The following OTUD7A variants were observed in gnomAD, a reference collection of about 807,000 sequenced individuals.
OTUD7A encodes the protein OTU deubiquitinase 7A.
Under a neutral mutation model 65.7 loss-of-function variants are expected in OTUD7A, and 12 were observed. The ratio of observed to expected loss-of-function variants is 0.18; its 90% confidence interval spans 0.12 to 0.30. The LOEUF (loss-of-function observed/expected upper bound fraction) is 0.30, where lower values mean the gene tolerates loss of function less well. OTUD7A is among the 10% of genes least tolerant of loss of function. The pLI, the probability that OTUD7A is intolerant of heterozygous loss-of-function variation, is 1.00. For synonymous variants in OTUD7A, 641 were observed against 586.3 expected, an observed-to-expected ratio of 1.09 and a Z score of -1.35; for missense variants, 1,148 against 1,304.8, an observed-to-expected ratio of 0.88 and a Z score of 1.85.
At chr15:31,822,850 T>G (rs1484545848) in intron 1 of OTUD7A, among the ~76,000 whole-genome samples, 1 of 152,188 alleles carries the variant, frequency 6.6e-6, no homozygotes, top group Non-Finnish European at 1.5e-5. Flanking sequence ...AGGGGAAGGC[T>G]GCGTACCCTA....
intron 1 of OTUD7A, among the ~76,000 whole-genome samples, chr15:31,793,090 T>C (rs533486500): frequency 1.3e-5 from 2 of 152,236 alleles, no homozygotes; most frequent in South Asian, 4.1e-4. Context: ...CACACAGCAC[T>C]CAGGAGACTG....
At position 31,503,612 on chromosome 15, in the gene OTUD7A, G is replaced by A. The variant is rs922638295; in HGVS notation, c.1021+79C>T. 10 of 1,580,146 alleles carry A rather than the reference G, an allele frequency of 6.3e-6. No individual in the cohort carries two copies. The Admixed American group carries it at 1.7e-4, about 26-fold the overall frequency. ...TTGTGGCCTCTGGGAGCTCGACCTT[G>A]TGCTGTGCTATCTGCTTTCTAGCTG... is the stretch of plus-strand genomic sequence containing the variant. On this transcript the variant is annotated intron_variant, in intron 9 of 12. Coordinates refer to ENST00000307050, the MANE Select transcript of OTUD7A (RefSeq NM_001382637.1).
chr15:31,552,469 C>G (rs1443044643), intron 5 of OTUD7A, among the ~76,000 whole-genome samples: 2 of 152,248 alleles, frequency 1.3e-5, no homozygotes, highest in Admixed American at 1.3e-4. Flanking sequence ...AAATACCACT[C>G]TATGAAAATA....
In OTUD7A at chr15:31,559,122, C is replaced by T. The variant is rs968208748; in HGVS notation, c.397G>A (p.Val133Met). The T allele has an allele frequency of 5.6e-6, 9 of 1,614,050 alleles. No individual in the cohort carries two copies. The highest frequency in any genetic ancestry group is 2.2e-5 in the East Asian group (1 of 44,900). ...SAIVSLARSH[V>M]ASECNNEQFP... ...TGCTCGTTGTTGCATTCACTTGCCA[C>T]GTGGGACCGGGCCAGGGAGACGATG... The change falls in exon 5 of 13, where the codon GTG becomes ATG. Residue 133 changes from valine to methionine, a missense_variant. This residue lies in a region of OTUD7A where 134 missense variants were observed against 252.6 expected (regional missense o/e 0.53). Coordinates refer to ENST00000307050, the MANE Select transcript of OTUD7A (RefSeq NM_001382637.1).
chr15:31,796,755 G>C (rs142157367), intron 1 of OTUD7A, among the ~76,000 whole-genome samples: 3,952 of 152,270 alleles, frequency 0.026, 192 homozygotes, highest in African/African-American at 0.09. Context: ...TTTTCTTTGA[G>C]ACAGAGTCTT....
At position 31,478,357 on chromosome 15, in the gene OTUD7A, T is replaced by TAG. The variant is rs1037563733; in HGVS notation, c.*4936_*4937insCT. The stretch of plus-strand genomic sequence containing the variant: ...TAAACTAACAAATTATGTATATATA[T>TAG]ATCCTTGATATGCTCTTTGGGAGGA... On this transcript the variant is annotated 3_prime_UTR_variant, in exon 13 of 13. Transcript: ENST00000307050. 6.6e-6 allele frequency: 1 copy of TAG among 152,178 alleles called. No individual in the cohort carries two copies. The highest frequency in any genetic ancestry group is 2.4e-5 in the African/African-American group (1 of 41,444). The allele number at this position is 152,178 out of a possible 1,614,324, so 9.4% of individuals were successfully genotyped here.
chr15:31,842,390 C>T (rs1199866750), intron 1 of OTUD7A, among the ~76,000 whole-genome samples: 1 of 152,200 alleles, frequency 6.6e-6, no homozygotes, highest in East Asian at 1.9e-4. Flanking sequence ...CAGCCAAGGA[C>T]TAAGGGAAAG....
chr15:31,515,024 C>G (rs2041821317), intron 8 of OTUD7A, among the ~76,000 whole-genome samples: 1 of 152,130 alleles, frequency 6.6e-6, no homozygotes, highest in Non-Finnish European at 1.5e-5. Context: ...GCTTGTTTGT[C>G]CCTGTCACCT....
At chr15:31,646,238 C>T (rs1891659364) in intron 3 of OTUD7A, among the ~76,000 whole-genome samples, 1 of 151,966 alleles carries the variant, frequency 6.6e-6, no homozygotes, top group South Asian at 2.1e-4. Context: ...ATTCCTGGAC[C>T]TCAGGGAGCC....
chr15:31,578,750 C>T (rs1312029867), intron 3 of OTUD7A, among the ~76,000 whole-genome samples: 6 of 152,174 alleles, frequency 3.9e-5, no homozygotes, highest in Admixed American at 1.3e-4. Context: ...TGGGGTTTCC[C>T]CATGTTGGTC....
chr15:31,742,380 C>T (rs946249826), intron 1 of OTUD7A, among the ~76,000 whole-genome samples: 1 of 151,986 alleles, frequency 6.6e-6, no homozygotes, highest in African/African-American at 2.4e-5. Flanking sequence ...TTTGCCACAT[C>T]AACAGATTAA....
intron 8 of OTUD7A, among the ~76,000 whole-genome samples, chr15:31,509,301 C>G (rs568113620): frequency 1.3e-5 from 2 of 150,642 alleles, no homozygotes; most frequent in Admixed American, 1.3e-4. Context: ...TTTTTGGAGA[C>G]GGAGTCTTGC....
At chr15:31,628,718 C>T (rs372367808) in intron 3 of OTUD7A, among the ~76,000 whole-genome samples, 7 of 152,024 alleles carry the variant, frequency 4.6e-5, no homozygotes, top group East Asian at 1.9e-4. Flanking sequence ...ATTCTTCCTA[C>T]CCATGAGCAT....
At chr15:31,734,009 A>G (rs1034687456) in intron 1 of OTUD7A, among the ~76,000 whole-genome samples, 7 of 152,188 alleles carry the variant, frequency 4.6e-5, no homozygotes, top group African/African-American at 1.7e-4. Flanking sequence ...GCTGGAATAC[A>G]CTGTCAAGCA....
At chr15:31,575,238 G>A (rs1566927319) in intron 3 of OTUD7A, among the ~76,000 whole-genome samples, 1 of 152,196 alleles carries the variant, frequency 6.6e-6, no homozygotes, top group Non-Finnish European at 1.5e-5. Context: ...GCTTCCCCAT[G>A]TAGCCCTGTG....
At position 31,741,796 on chromosome 15, in the gene OTUD7A, C is replaced by CA. The variant is rs540310032; in HGVS notation, c.-99-84720dup. On this transcript the variant is annotated intron_variant, in intron 1 of 12. Transcript: ENST00000307050. ...GATAGGAAAAATAGCAAAATAAACA[C>CA]AAAAAAAATTAGAAGAAAGACAATG... 3.2e-3 allele frequency among the ~76,000 whole-genome samples: 483 copies of CA among 151,238 alleles called. 3 individuals carry two copies. The highest frequency in any genetic ancestry group is 0.01 in the Middle Eastern group (3 of 292).
chr15:31,587,618 A>C (rs1293387694), intron 3 of OTUD7A, among the ~76,000 whole-genome samples: 5 of 151,078 alleles, frequency 3.3e-5, no homozygotes, highest in African/African-American at 9.8e-5. Flanking sequence ...CCAGCCTGGG[A>C]AACAGACTGA....
chr15:31,796,216 CTATCTATCTATCTA>C (rs1350340641), intron 1 of OTUD7A, among the ~76,000 whole-genome samples: 1 of 147,402 alleles, frequency 6.8e-6, no homozygotes, highest in Non-Finnish European at 1.5e-5. Flanking sequence ...ATCTATCTAT[CTATCTATCTATCTA>C]TCTATCATCT....
chr15:31,501,857 G>C lies in OTUD7A; in HGVS notation c.1022-18C>G, dbSNP rs773326597. On this transcript the variant is annotated intron_variant, in intron 9 of 12. Coordinates refer to ENST00000307050, the MANE Select transcript of OTUD7A (RefSeq NM_001382637.1). ...TGCGAACGCTGTGGACACAAACCAG[G>C]GTGAGGGTGTGAGGAGCAGCCAGCT... The C allele has an allele frequency of 6.3e-7, 1 of 1,597,746 alleles. No homozygotes were observed. Among genetic ancestry groups the C allele is most frequent in the South Asian group, 1.1e-5 (1 of 89,090 alleles).
Sources: gnomAD v4.1 joint callset for allele counts (sites outside exome capture counted in the v4.1 genomes callset) on GRCh38, gnomAD v4.1.1 for gene constraint, gnomAD v4.1.1 regional missense constraint, MANE v1.5 for transcripts, NCBI Gene and HGNC (gene_info 2026-07-23, HGNC 2026-07-21) for gene names.